NCALD: variants seen among roughly 807,000 people sequenced by gnomAD.
NCALD encodes neurocalcin delta.
A neutral mutation model predicts 18.6 loss-of-function variants in NCALD; 10 were observed. The ratio of observed to expected loss-of-function variants is 0.54; its 90% CI spans 0.33 to 0.91. The LOEUF (loss-of-function observed/expected upper bound fraction) is 0.91, where lower values mean the gene tolerates loss of function less well. NCALD is among the 40% of genes least tolerant of loss of function. The pLI is 0.03. For synonymous variants in NCALD, 88 were observed against 87.4 expected (o/e 1.01, Z -0.04); for missense variants, 184 against 247.6 (o/e 0.74, Z 1.72).
intron 2 of NCALD, among the ~76,000 whole-genome samples, chr8:101,935,000 T>C (rs1422328707): frequency 6.6e-6 from 1 of 152,050 alleles, no homozygotes; most frequent in African/African-American, 2.4e-5. Context: ...AGTAGGAGAC[T>C]ATATATAAAA....
At chr8:102,021,725 C>G (rs1586936143) in intron 1 of NCALD, among the ~76,000 whole-genome samples, 2 of 152,286 alleles carry the variant, frequency 1.3e-5, no homozygotes. Context: ...TCCCTAACTA[C>G]TTTTTTGTCC....
intron 4 of NCALD, among the ~76,000 whole-genome samples, chr8:101,824,777 T>C (rs557556999): frequency 6.6e-6 from 1 of 152,262 alleles, no homozygotes; most frequent in South Asian, 2.1e-4. Flanking sequence ...AAGCCCAAAA[T>C]CTGAATCCAG....
chr8:101,904,697 CT>C (rs1817552082), intron 3 of NCALD, among the ~76,000 whole-genome samples: 2 of 152,170 alleles, frequency 1.3e-5, no homozygotes, highest in African/African-American at 4.8e-5. Context: ...AAAGAAGGGT[CT>C]GATTATTTTC....
intron 1 of NCALD, among the ~76,000 whole-genome samples, chr8:101,719,884 T>C (rs1402978666): frequency 6.6e-6 from 1 of 152,206 alleles, no homozygotes; most frequent in East Asian, 1.9e-4. Flanking sequence ...AATACTTCTT[T>C]TATACAGAGC....
intron 1 of NCALD, among the ~76,000 whole-genome samples, chr8:101,782,424 G>A (rs888880889): frequency 1.3e-5 from 2 of 152,134 alleles, no homozygotes; most frequent in Non-Finnish European, 2.9e-5. Flanking sequence ...AATGAGCTGT[G>A]TAAAGAAACA....
chr8:101,738,552 C>CAAAAAAAAAAAA (rs34205453), intron 1 of NCALD, among the ~76,000 whole-genome samples: 23 of 127,906 alleles, frequency 1.8e-4, no homozygotes, highest in Non-Finnish European at 2.8e-4. Context: ...CTCAAAAAAA[C>CAAAAAAAAAAAA]AAAAAAAAAA....
At chr8:101,791,096 A>G (rs1163102497), upstream of NCALD, 3 of 152,234 alleles carry the variant, frequency 2.0e-5, no homozygotes, top group Non-Finnish European at 2.9e-5. Flanking sequence ...AATTATTTCA[A>G]TAGGTCATCT....
intron 4 of NCALD, among the ~76,000 whole-genome samples, chr8:101,805,010 G>A (rs1813047164): frequency 6.6e-6 from 1 of 152,042 alleles, no homozygotes; most frequent in Admixed American, 6.6e-5. Flanking sequence ...TAAAACTGAG[G>A]TTCTACTTTT....
At chr8:101,760,668 A>G (rs1416346492) in intron 1 of NCALD, among the ~76,000 whole-genome samples, 1 of 152,210 alleles carries the variant, frequency 6.6e-6, no homozygotes, top group Non-Finnish European at 1.5e-5. Context: ...AGTTAAACAT[A>G]AGTTTTCAAG....
intron 4 of NCALD, among the ~76,000 whole-genome samples, chr8:101,867,261 T>A (rs990495795): frequency 2.1e-4 from 32 of 152,296 alleles, no homozygotes; most frequent in African/African-American, 6.7e-4. Context: ...ATTTTCCTAG[T>A]TTTTTTCCCC....
In NCALD at chr8:101,724,868, C is replaced by G. The variant is rs150215741; in HGVS notation, c.-19-5220G>C. 5.6e-3 allele frequency among the ~76,000 whole-genome samples: 857 copies of G among 152,260 alleles called. 5 individuals are homozygous for G. Among genetic ancestry groups the G allele is most frequent in the Non-Finnish European group, 8.9e-3 (607 of 68,024 alleles). ...TGCTCTACTAGCCCCAAGGACAAAG[C>G]ATTTATAGAGATTAAGACAACAATC... On this transcript the variant is annotated intron_variant, in intron 1 of 3. Transcript: ENST00000220931.
At chr8:101,961,865 T>A (rs1391827168) in intron 2 of NCALD, among the ~76,000 whole-genome samples, 1 of 152,004 alleles carries the variant, frequency 6.6e-6, no homozygotes, top group Non-Finnish European at 1.5e-5. Flanking sequence ...GCTTTAGCTT[T>A]ACAGTCATTT....
chr8:101,766,533 G>T (rs559424494), intron 1 of NCALD, among the ~76,000 whole-genome samples: 11 of 152,198 alleles, frequency 7.2e-5, no homozygotes, highest in Admixed American at 3.9e-4. Flanking sequence ...ATACATAAGT[G>T]TTTTAAAAGG....
At chr8:102,105,377 G>C (rs1000790566) in intron 1 of NCALD, among the ~76,000 whole-genome samples, 7 of 152,152 alleles carry the variant, frequency 4.6e-5, no homozygotes, top group Non-Finnish European at 7.4e-5. Context: ...CCTGCTCAGG[G>C]AAATGGCCAC....
chr8:101,923,702 A>G (rs1311429328), intron 2 of NCALD, among the ~76,000 whole-genome samples: 1 of 152,194 alleles, frequency 6.6e-6, no homozygotes, highest in South Asian at 2.1e-4. Context: ...GGTTTTTTTA[A>G]AGGGACTTTG....
intron 4 of NCALD, among the ~76,000 whole-genome samples, chr8:101,874,284 G>A (rs916175438): frequency 6.6e-6 from 1 of 152,154 alleles, no homozygotes; most frequent in Non-Finnish European, 1.5e-5. Flanking sequence ...GTAAACAAAA[G>A]AGACAACAAA....
chr8:101,742,750 G>T (rs1239186305), intron 1 of NCALD, among the ~76,000 whole-genome samples: 1 of 152,096 alleles, frequency 6.6e-6, no homozygotes, highest in Admixed American at 6.5e-5. Context: ...ATGGTGGTCT[G>T]CTGTGCCTGT....
intron 1 of NCALD, among the ~76,000 whole-genome samples, chr8:102,112,309 T>C (rs1414812303): frequency 1.9e-4 from 29 of 152,144 alleles, no homozygotes; most frequent in Admixed American, 1.9e-3. Flanking sequence ...CACCTGAAGA[T>C]ACAAGCTCCA....
intron 1 of NCALD, among the ~76,000 whole-genome samples, chr8:102,037,273 G>T (rs977571208): frequency 6.6e-6 from 1 of 152,146 alleles, no homozygotes; most frequent in African/African-American, 2.4e-5. Context: ...GAAAGGCATA[G>T]AAAAGTTAAG....
Sources: allele counts gnomAD v4.1 joint callset (sites outside exome capture counted in the v4.1 genomes callset), GRCh38; gene constraint gnomAD v4.1.1; transcripts MANE v1.5; gene names NCBI Gene and HGNC (gene_info 2026-07-23, HGNC 2026-07-21).